The following DPF3 variants were observed in gnomAD, a reference collection of about 807,000 sequenced individuals.
DPF3 encodes double PHD fingers 3, also known as zinc finger protein DPF3.
A neutral mutation model predicts 56.8 loss-of-function variants in DPF3; 18 were observed. The observed-to-expected ratio is 0.32, with a 90% CI of 0.22 to 0.47. The LOEUF is 0.47. Ranked by LOEUF, DPF3 falls within the 20% of genes least tolerant of loss-of-function variation. DPF3 has a pLI of 1.00. For missense variants in DPF3, 403 were observed against 488.8 expected, an observed-to-expected ratio of 0.82 and a Z score of 1.65; for synonymous variants, 188 against 180.2, an observed-to-expected ratio of 1.04 and a Z score of -0.35.
At chr14:72,877,857 A>C (rs1276149279) in intron 1 of DPF3, among the ~76,000 whole-genome samples, 1 of 152,154 alleles carries the variant, frequency 6.6e-6, no homozygotes, top group African/African-American at 2.4e-5. Flanking sequence ...AATTAGATAA[A>C]ATGAGGACAG....
intron 6 of DPF3, among the ~76,000 whole-genome samples, chr14:72,702,619 T>C (rs1270691285): frequency 6.6e-6 from 1 of 152,050 alleles, no homozygotes; most frequent in African/African-American, 2.4e-5. Context: ...CGACCCTCCA[T>C]CTTCTCTCTG....
chr14:72,669,159 C>CAAAG (rs1464592244), intron 8 of DPF3, among the ~76,000 whole-genome samples: 2 of 152,182 alleles, frequency 1.3e-5, no homozygotes, highest in Admixed American at 6.5e-5. Context: ...CAGGAAAGCA[C>CAAAG]AAAGGTCTCA....
intron 1 of DPF3, among the ~76,000 whole-genome samples, chr14:72,819,204 T>C (rs1599469135): frequency 6.6e-6 from 1 of 152,214 alleles, no homozygotes; most frequent in Admixed American, 6.5e-5. Context: ...TGTCACCTGC[T>C]GGTGAGAATA....
intron 1 of DPF3, among the ~76,000 whole-genome samples, chr14:72,813,765 T>C (rs1348992448): frequency 1.3e-5 from 2 of 152,194 alleles, no homozygotes; most frequent in African/African-American, 4.8e-5. Flanking sequence ...ATAATGAAGC[T>C]GCTCTTACAG....
At chr14:72,679,760 C>T (rs1887076060) in intron 7 of DPF3, among the ~76,000 whole-genome samples, 1 of 152,194 alleles carries the variant, frequency 6.6e-6, no homozygotes, top group Non-Finnish European at 1.5e-5. Context: ...TGCCACTTGG[C>T]TGTGCAGAGC....
intron 8 of DPF3, among the ~76,000 whole-genome samples, chr14:72,633,398 G>A (rs370859108): frequency 1.1e-4 from 16 of 152,078 alleles, no homozygotes; most frequent in African/African-American, 3.1e-4. Context: ...GAAGAGGAGA[G>A]AAGAAAGGAG....
intron 1 of DPF3, among the ~76,000 whole-genome samples, chr14:72,785,396 C>G (rs1310232612): frequency 1.3e-5 from 2 of 152,176 alleles, no homozygotes; most frequent in African/African-American, 4.8e-5. Context: ...CACAGAGAGT[C>G]TTACGTGATT....
At chr14:72,824,795 C>T (rs1025265741) in intron 1 of DPF3, among the ~76,000 whole-genome samples, 16 of 149,076 alleles carry the variant, frequency 1.1e-4, no homozygotes, top group African/African-American at 3.2e-4. Context: ...TGGTCTCGAA[C>T]TCCCGAGCTC....
intron 3 of DPF3, among the ~76,000 whole-genome samples, chr14:72,733,113 A>T (rs1889740510): frequency 6.6e-6 from 1 of 151,954 alleles, no homozygotes; most frequent in African/African-American, 2.4e-5. Context: ...TTAATTAAAG[A>T]TGCAAACCTA....
chr14:72,621,635 G>T (rs1049695883), intron 9 of DPF3, among the ~76,000 whole-genome samples: 1 of 152,222 alleles, frequency 6.6e-6, no homozygotes, highest in Admixed American at 6.5e-5. Flanking sequence ...TGCTATGTAA[G>T]AGTAGATACC....
chr14:72,780,695 G>A (rs555343844), intron 1 of DPF3, among the ~76,000 whole-genome samples: 25 of 152,228 alleles, frequency 1.6e-4, no homozygotes, highest in African/African-American at 4.8e-4. Flanking sequence ...GGTCACTTCA[G>A]CTCCTGAGAT....
At chr14:72,695,368 G>A (rs1261752439) in intron 6 of DPF3, among the ~76,000 whole-genome samples, 2 of 152,214 alleles carry the variant, frequency 1.3e-5, no homozygotes, top group Non-Finnish European at 1.5e-5. Context: ...CCTGAAAAGA[G>A]GGACTTTGAC....
intron 1 of DPF3, chr14:72,836,474 G>T: frequency 2.0e-6 from 2 of 985,602 alleles, no homozygotes; most frequent in Non-Finnish European, 2.4e-6. Context: ...GGGAGAAGGA[G>T]CGCAATGAAA....
chr14:72,768,169 G>T (rs1343591696), intron 2 of DPF3, among the ~76,000 whole-genome samples: 2 of 152,118 alleles, frequency 1.3e-5, no homozygotes, highest in Admixed American at 6.5e-5. Flanking sequence ...ACATCAGAAA[G>T]TAAATGCTAA....
chr14:72,800,493 GATGGATGGATGC>G (rs1359179306), intron 1 of DPF3, among the ~76,000 whole-genome samples: 1 of 151,922 alleles, frequency 6.6e-6, no homozygotes, highest in Non-Finnish European at 1.5e-5. Context: ...TGCTTGGATG[GATGGATGGATGC>G]ATGGATGGAT....
chr14:72,848,072 C>G (rs1262864345), intron 1 of DPF3, among the ~76,000 whole-genome samples: 1 of 152,260 alleles, frequency 6.6e-6, no homozygotes, highest in South Asian at 2.1e-4. Flanking sequence ...TGATGACTTT[C>G]TGGACCTACC....
intron 1 of DPF3, among the ~76,000 whole-genome samples, chr14:72,805,067 CAA>C (rs1567238875): frequency 2.6e-5 from 4 of 151,878 alleles, no homozygotes; most frequent in Non-Finnish European, 5.9e-5. Flanking sequence ...CACACACACA[CAA>C]ACACACAGAC....
intron 1 of DPF3, among the ~76,000 whole-genome samples, chr14:72,789,926 C>T (rs1309287690): frequency 1.3e-5 from 2 of 152,212 alleles, no homozygotes; most frequent in Non-Finnish European, 2.9e-5. Context: ...CATTCTTTTT[C>T]CATCACTCTG....
At chr14:72,663,057 T>A (rs1383) in intron 8 of DPF3, among the ~76,000 whole-genome samples, 29,521 of 149,870 alleles carry the variant, frequency 0.2, 3,456 homozygotes, top group East Asian at 0.58. Flanking sequence ...TTCAGCAGCA[T>A]GAGATCAGCC....
Sources: gnomAD v4.1 joint callset for allele counts (sites outside exome capture counted in the v4.1 genomes callset) on GRCh38, gnomAD v4.1.1 for gene constraint, MANE v1.5 for transcripts, NCBI Gene and HGNC (gene_info 2026-07-23, HGNC 2026-07-21) for gene names.